Variants in MYO1B observed in about 807,000 individuals in gnomAD.
The protein encoded by MYO1B is unconventional myosin-Ib.
In MYO1B, 72 loss-of-function variants were observed where a neutral mutation model predicts 159.7. The ratio of observed to expected loss-of-function variants is 0.45; its 90% confidence interval spans 0.37 to 0.55. The LOEUF is 0.55. MYO1B is among the 20% of genes least tolerant of loss of function. The probability of loss-of-function intolerance (pLI) is 0.00; values close to 1 mark genes in which losing one functional copy is unlikely to be tolerated. For missense variants in MYO1B, 1,062 were observed against 1,364.8 expected, an observed-to-expected ratio of 0.78 and a Z score of 3.50; for synonymous variants, 468 against 473.8, an observed-to-expected ratio of 0.99 and a Z score of 0.16.
chr2:191,375,710 C>T (rs1022190122), intron 13 of MYO1B, among the ~76,000 whole-genome samples: 4 of 152,072 alleles, frequency 2.6e-5, no homozygotes, highest in African/African-American at 7.2e-5. Context: ...CCTATAATCC[C>T]AGCACTTTGG....
intron 6 of MYO1B, among the ~76,000 whole-genome samples, chr2:191,349,287 A>G (rs1692765935): frequency 6.6e-6 from 1 of 152,232 alleles, no homozygotes; most frequent in Non-Finnish European, 1.5e-5. Context: ...GTGCAGGAGC[A>G]TGCATAAGCC....
chr2:191,279,727 T>C (rs1687943622), intron 2 of MYO1B, among the ~76,000 whole-genome samples: 1 of 152,138 alleles, frequency 6.6e-6, no homozygotes, highest in Non-Finnish European at 1.5e-5. Context: ...TCTGCTTCAC[T>C]CTGTTTTTCA....
chr2:191,247,938 A>T lies in MYO1B; in HGVS notation c.-10+2312A>T, dbSNP rs144680293. On this transcript the variant is annotated intron_variant, in intron 1 of 30. Transcript: ENST00000392318. The stretch of plus-strand genomic sequence containing the variant: ...CAAGCCTGGAGTTAAAGACTAACTT[A>T]CCCTGATTGCTGCACAGTTATGCAA... 910 of 985,370 alleles carry T rather than the reference A, an allele frequency of 9.2e-4. 2 individuals carry two copies. The East Asian group carries it at 0.011, about 12-fold the overall frequency. The allele number at this position is 985,370 out of a possible 1,614,324, so 61.0% of individuals were successfully genotyped here.
chr2:191,375,958 C>CA (rs56036551), intron 13 of MYO1B, among the ~76,000 whole-genome samples: 8,638 of 106,118 alleles, frequency 0.081, 440 homozygotes, highest in African/African-American at 0.18. Context: ...GACTCCGTAT[C>CA]AAAAAAAAAA....
chr2:191,356,252 T>C (rs1693272120), intron 7 of MYO1B, among the ~76,000 whole-genome samples: 1 of 152,146 alleles, frequency 6.6e-6, no homozygotes, highest in Non-Finnish European at 1.5e-5. Context: ...ATAAAGTGTC[T>C]GTTTTTAATC....
chr2:191,414,476 T>G (rs1697441991), intron 28 of MYO1B, 41 bp from the exon 29 acceptor site: 8 of 1,544,336 alleles, frequency 5.2e-6, no homozygotes, highest in Non-Finnish European at 6.1e-6. Context: ...TTTTGAGTAT[T>G]TGTGATCATT....
At chr2:191,279,421 C>T (rs959858297) in intron 2 of MYO1B, among the ~76,000 whole-genome samples, 1 of 146,442 alleles carries the variant, frequency 6.8e-6, no homozygotes, top group Admixed American at 6.9e-5. Flanking sequence ...CTTCAGGTAC[C>T]ATAGTGGGGT....
In MYO1B at chr2:191,400,756, G is replaced by GGGAACTGAGACGGCTGAAGGAGGAGGCTA. The variant is rs1553562973; in HGVS notation, c.2395_2423dup (p.Lys809Ter). Reference sequence around the variant, plus strand: ...TTTTCAAATGCATCACAGGCACGAAGGGAACTGAGACGGCTGAAGGAGGAG... The same window carrying GGGAACTGAGACGGCTGAAGGAGGAGGCTA: ...TTTTCAAATGCATCACAGGCACGAAGGGAACTGAGACGGCTGAAGGAGGAGGCTAGGAACTGAGACGGCTGAAGGAGGAG... On this transcript the variant is annotated frameshift_variant, in exon 23 of 31. Coordinates refer to ENST00000392318, the MANE Select transcript of MYO1B (RefSeq NM_001130158.3). LOFTEE classifies it high-confidence loss of function. 6.2e-7 allele frequency: 1 copy of GGGAACTGAGACGGCTGAAGGAGGAGGCTA among 1,613,888 alleles called. No individual in the cohort carries two copies. Among genetic ancestry groups the GGGAACTGAGACGGCTGAAGGAGGAGGCTA allele is most frequent in the Non-Finnish European group, 8.5e-7 (1 of 1,179,908 alleles).
At chr2:191,317,324 A>T (rs1690416771) in intron 3 of MYO1B, among the ~76,000 whole-genome samples, 1 of 152,226 alleles carries the variant, frequency 6.6e-6, no homozygotes, top group Non-Finnish European at 1.5e-5. Flanking sequence ...ACGAAAGGGC[A>T]TATCAGCTGG....
chr2:191,337,915 A>G (rs1691963944), intron 4 of MYO1B, among the ~76,000 whole-genome samples: 1 of 152,204 alleles, frequency 6.6e-6, no homozygotes, highest in Non-Finnish European at 1.5e-5. Flanking sequence ...ATATTTGAAT[A>G]CAGATCCAAA....
intron 1 of MYO1B, among the ~76,000 whole-genome samples, chr2:191,254,277 A>G (rs1053176559): frequency 6.6e-6 from 1 of 152,080 alleles, no homozygotes; most frequent in African/African-American, 2.4e-5. Context: ...CAGTGGCATA[A>G]TCTTGGCTCA....
intron 21 of MYO1B, among the ~76,000 whole-genome samples, chr2:191,397,157 T>TG (rs1553562110): frequency 2.4e-5 from 3 of 126,952 alleles, no homozygotes; most frequent in Non-Finnish European, 1.6e-5. Context: ...TTTTTTTTTT[T>TG]GTAGGTGGGA....
At chr2:191,408,626 G>A (rs1175149453) in intron 25 of MYO1B, among the ~76,000 whole-genome samples, 1 of 152,176 alleles carries the variant, frequency 6.6e-6, no homozygotes, top group Non-Finnish European at 1.5e-5. Context: ...TGTATGTAGT[G>A]CTGAACAGAC....
Position 191,260,254 on chromosome 2 carries a change from C to CTTTTTTTTTTTTTTT in MYO1B, c.-10+14641_-10+14642insTTTTTTTTTTTTTTT, listed in dbSNP as rs57237733. On this transcript the variant is annotated intron_variant, in intron 1 of 30. Coordinates refer to ENST00000392318, the MANE Select transcript of MYO1B (RefSeq NM_001130158.3). ...TAATATTACTTTTTTCCCAGATAGG[C>CTTTTTTTTTTTTTTT]TTTTTTTTTTTTTGAATTAAAGCTA... 4.4e-3 allele frequency among the ~76,000 whole-genome samples: 268 copies of CTTTTTTTTTTTTTTT among 60,920 alleles called. 22 individuals carry two copies. The highest frequency in any genetic ancestry group is 9.2e-3 in the African/African-American group (251 of 27,362). 40.0% of individuals were successfully genotyped at this position (60,920 alleles called of 152,430 possible).
chr2:191,369,542 G>A lies in MYO1B; in HGVS notation c.1033G>A (p.Ala345Thr). 6.2e-7 allele frequency: 1 copy of A among 1,611,926 alleles called. No homozygotes were observed. The highest frequency in any genetic ancestry group is 8.5e-7 in the Non-Finnish European group (1 of 1,178,506). ...KVSTTLNVAQ[A>T]YYARDALAKN... The stretch of plus-strand genomic sequence containing the variant: ...GTTTTGTTTGTTTGTTTTTTAATAG[G>A]CTTATTATGCCCGTGATGCTCTGGC... The change falls in exon 12 of 31, where the codon GCT becomes ACT. Residue 345 changes from alanine to threonine, a missense_variant and splice_region_variant. This residue lies in a region of MYO1B where 415 missense variants were observed against 544.0 expected (regional missense o/e 0.76). Coordinates refer to ENST00000392318, the MANE Select transcript of MYO1B (RefSeq NM_001130158.3).
rs146916200 is a variant in MYO1B at position 191,261,209 on chromosome 2, C to T, written c.-10+15583C>T. The stretch of plus-strand genomic sequence containing the variant: ...GTTAATTCCCAGACCTGCGTGTGCC[C>T]GGTGTACTTATTATAGTTTAATACA... On this transcript the variant is annotated intron_variant, in intron 1 of 30. Coordinates refer to ENST00000392318, the MANE Select transcript of MYO1B (RefSeq NM_001130158.3). Among the ~76,000 whole-genome samples, 41 of 152,208 alleles carry T rather than the reference C, an allele frequency of 2.7e-4. No individual in the cohort carries two copies. The East Asian group carries it at 6.4e-3, about 24-fold the overall frequency.
chr2:191,388,456 C>G (rs1194191927), intron 17 of MYO1B, among the ~76,000 whole-genome samples: 1 of 152,090 alleles, frequency 6.6e-6, no homozygotes, highest in Non-Finnish European at 1.5e-5. Context: ...TTTCATAGAG[C>G]ACACCCATAC....
At chr2:191,313,361 C>T (rs1690141175) in intron 3 of MYO1B, among the ~76,000 whole-genome samples, 1 of 151,134 alleles carries the variant, frequency 6.6e-6, no homozygotes, top group Non-Finnish European at 1.5e-5. Flanking sequence ...CAGGTGTCCG[C>T]CACCACGCCT....
intron 13 of MYO1B, among the ~76,000 whole-genome samples, chr2:191,374,924 A>T (rs1559212641): frequency 6.6e-6 from 1 of 152,222 alleles, no homozygotes; most frequent in Non-Finnish European, 1.5e-5. Context: ...GAAAAAAGAT[A>T]TTAAGTTAAA....
Sources: allele counts gnomAD v4.1 joint callset (sites outside exome capture counted in the v4.1 genomes callset), GRCh38; gene constraint gnomAD v4.1.1; regional missense constraint gnomAD v4.1.1; transcripts MANE v1.5; gene names NCBI Gene and HGNC (gene_info 2026-07-23, HGNC 2026-07-21).